Variants in HECW2 observed in about 807,000 individuals in gnomAD.
HECW2 encodes E3 ubiquitin-protein ligase HECW2.
In HECW2, 61 loss-of-function variants were observed where a neutral mutation model predicts 175.2. The ratio of observed to expected loss-of-function variants is 0.35; its 90% confidence interval spans 0.28 to 0.43. The LOEUF (loss-of-function observed/expected upper bound fraction) is 0.43. Among genes scored for constraint, HECW2 ranks in the 20% least tolerant of loss-of-function variants. HECW2 has a pLI of 1.00. For synonymous variants in HECW2, 671 were observed against 731.0 expected (o/e 0.92, Z 1.32); for missense variants, 1,524 against 2,000.5 (o/e 0.76, Z 4.54).
chr2:196,437,828 A>G (rs955134962), intron 1 of HECW2, among the ~76,000 whole-genome samples: 9 of 152,126 alleles, frequency 5.9e-5, no homozygotes, highest in African/African-American at 2.2e-4. Context: ...TCAAGGAAGG[A>G]GAGACTCCAA....
intron 2 of HECW2, among the ~76,000 whole-genome samples, chr2:196,381,245 G>C (rs1395670065): frequency 6.6e-6 from 1 of 152,188 alleles, no homozygotes; most frequent in African/African-American, 2.4e-5. Flanking sequence ...ACGTCACTGA[G>C]TCTAAGGATC....
In HECW2 at chr2:196,266,178, A is replaced by AC. The variant is rs1443263447; in HGVS notation, c.3335+5014_3335+5015insG. ...AGACTCCATCTCTATTAAAAAAAAA[A>AC]AAAAAAAAACACAAAACAATTAGCG... On this transcript the variant is annotated intron_variant, in intron 17 of 28. Coordinates refer to ENST00000644978, the MANE Select transcript of HECW2 (RefSeq NM_001348768.2). Among the ~76,000 whole-genome samples, 63 of 151,354 alleles carry AC rather than the reference A, an allele frequency of 4.2e-4. 1 individual carries two copies. Among genetic ancestry groups the AC allele is most frequent in the African/African-American group, 1.5e-3 (61 of 41,148 alleles).
At chr2:196,446,052 A>T (rs1423770777) in intron 1 of HECW2, among the ~76,000 whole-genome samples, 1 of 152,146 alleles carries the variant, frequency 6.6e-6, no homozygotes, top group Admixed American at 6.5e-5. Context: ...GCAGAGAAAA[A>T]GCCAAAACCC....
intron 1 of HECW2, among the ~76,000 whole-genome samples, chr2:196,483,091 T>C (rs1179931363): frequency 1.6e-5 from 2 of 124,626 alleles, no homozygotes; most frequent in East Asian, 2.0e-4. Flanking sequence ...GATTTCATAG[T>C]TGTAAAAAAA....
chr2:196,573,756 G>C (rs954320428), intron 1 of HECW2, among the ~76,000 whole-genome samples: 1 of 151,878 alleles, frequency 6.6e-6, no homozygotes, highest in Non-Finnish European at 1.5e-5. Context: ...AGAACAGTTC[G>C]ACAAGAAAAA....
chr2:196,514,435 G>A (rs1688072001), intron 1 of HECW2, among the ~76,000 whole-genome samples: 1 of 152,226 alleles, frequency 6.6e-6, no homozygotes, highest in Non-Finnish European at 1.5e-5. Context: ...ATGAACAGCA[G>A]CAGGAGGCAG....
chr2:196,409,563 A>C (rs10931744), intron 2 of HECW2, among the ~76,000 whole-genome samples: 89,206 of 152,050 alleles, frequency 0.59, 29,314 homozygotes, highest in East Asian at 0.92. Flanking sequence ...CACCACACTC[A>C]AACTTAGTCA....
intron 19 of HECW2, among the ~76,000 whole-genome samples, chr2:196,244,312 T>C (rs1305711010): frequency 1.3e-5 from 2 of 152,208 alleles, no homozygotes; most frequent in East Asian, 3.8e-4. Context: ...GGGCTATACC[T>C]AGTCCTATAG....
chr2:196,362,382 G>C (rs926194308), intron 2 of HECW2, among the ~76,000 whole-genome samples: 41 of 140,726 alleles, frequency 2.9e-4, no homozygotes, highest in Admixed American at 9.9e-4. Flanking sequence ...CACACACACA[G>C]AGTGGGCTGA....
chr2:196,266,398 T>C (rs1689521179), intron 17 of HECW2, among the ~76,000 whole-genome samples: 2 of 152,058 alleles, frequency 1.3e-5, no homozygotes, highest in South Asian at 2.1e-4. Flanking sequence ...TATCCCTATG[T>C]AAACTGTCTG....
In HECW2 at chr2:196,397,216, G is replaced by A. The variant is rs566289848; in HGVS notation, c.292+35916C>T. On this transcript the variant is annotated intron_variant, in intron 2 of 28. Coordinates refer to ENST00000644978, the MANE Select transcript of HECW2 (RefSeq NM_001348768.2). ...AGAATCAGAGCTGTTTAGACAGATT[G>A]GTGTGACAGAGGAAAGACACTGCTG... 1.2e-4 allele frequency among the ~76,000 whole-genome samples: 18 copies of A among 152,330 alleles called. No individual in the cohort carries two copies. In the South Asian group the frequency reaches 3.5e-3, roughly 30 times the overall value.
chr2:196,372,674 G>A (rs144899818), intron 2 of HECW2, among the ~76,000 whole-genome samples: 281 of 152,286 alleles, frequency 1.8e-3, no homozygotes, highest in Non-Finnish European at 3.3e-3. Context: ...TTTGAGAAGA[G>A]TTAGGAAGTC....
At chr2:196,203,244 A>T (rs989830373) in intron 28 of HECW2, among the ~76,000 whole-genome samples, 1 of 152,058 alleles carries the variant, frequency 6.6e-6, no homozygotes, top group African/African-American at 2.4e-5. Context: ...TTGCAGGCAA[A>T]CCCTTTTTTG....
In HECW2 at chr2:196,286,493, T is replaced by G. The variant is rs73044236; in HGVS notation, c.3000+6072A>C. On this transcript the variant is annotated intron_variant, in intron 14 of 28. Coordinates refer to ENST00000644978, the MANE Select transcript of HECW2 (RefSeq NM_001348768.2). ...GGCAATTCCTTCAAGATTCCATGAG[T>G]CTACTGTTTTACTCAGAAATTTATT... Among the ~76,000 whole-genome samples, 1,412 of 151,430 alleles carry G rather than the reference T, an allele frequency of 9.3e-3. 17 individuals carry two copies. Among genetic ancestry groups the G allele is most frequent in the African/African-American group, 0.033 (1,352 of 41,220 alleles).
At chr2:196,246,566 T>A (rs1321412827) in intron 19 of HECW2, among the ~76,000 whole-genome samples, 1 of 151,760 alleles carries the variant, frequency 6.6e-6, no homozygotes, top group Non-Finnish European at 1.5e-5. Context: ...TTTTTTGTAT[T>A]TTTTTAGTAG....
intron 2 of HECW2, among the ~76,000 whole-genome samples, chr2:196,391,620 C>T (rs1694513152): frequency 6.6e-6 from 1 of 152,152 alleles, no homozygotes; most frequent in Admixed American, 6.6e-5. Flanking sequence ...TCATGCTGTG[C>T]TTAACTCTTT....
At position 196,503,295 on chromosome 2, in the gene HECW2, G is replaced by C. The variant is rs548676057; in HGVS notation, c.-35-69837C>G. Among the ~76,000 whole-genome samples, 6 of 152,272 alleles carry C rather than the reference G, an allele frequency of 3.9e-5. No homozygotes were observed. The South Asian group carries it at 8.3e-4, about 21-fold the overall frequency. On this transcript the variant is annotated intron_variant, in intron 1 of 28. Coordinates refer to ENST00000644978, the MANE Select transcript of HECW2 (RefSeq NM_001348768.2). ...CCTATATCTCAGAGTGCCACAGGCA[G>C]GGCACGGGCTCCAGGTGCATACATT...
chr2:196,530,799 G>A (rs936716343), intron 1 of HECW2, among the ~76,000 whole-genome samples: 2 of 152,182 alleles, frequency 1.3e-5, no homozygotes, highest in East Asian at 3.8e-4. Flanking sequence ...TGTTCTATGG[G>A]AGGAAAATAA....
At chr2:196,341,716 G>T (rs1407920834) in intron 3 of HECW2, among the ~76,000 whole-genome samples, 2 of 152,060 alleles carry the variant, frequency 1.3e-5, no homozygotes, top group Non-Finnish European at 2.9e-5. Flanking sequence ...TTCTTTTAAG[G>T]CCTAAGAGAG....
Sources: gnomAD v4.1 joint callset for allele counts (sites outside exome capture counted in the v4.1 genomes callset) on GRCh38, gnomAD v4.1.1 for gene constraint, MANE v1.5 for transcripts, NCBI Gene and HGNC (gene_info 2026-07-23, HGNC 2026-07-21) for gene names.